GALNT18: variants seen among roughly 807,000 people sequenced by gnomAD.
GALNT18 encodes the protein polypeptide N-acetylgalactosaminyltransferase 18.
Under a neutral mutation model 69.5 loss-of-function variants are expected in GALNT18, and 44 were observed. The ratio of observed to expected loss-of-function variants is 0.63; its 90% CI spans 0.50 to 0.81. The LOEUF (loss-of-function observed/expected upper bound fraction) is 0.81. Ranked by LOEUF, GALNT18 falls within the 40% of genes least tolerant of loss-of-function variation. The pLI is 0.00. For synonymous variants in GALNT18, 364 were observed against 318.2 expected, an observed-to-expected ratio of 1.14 and a Z score of -1.53; for missense variants, 715 against 810.0, an observed-to-expected ratio of 0.88 and a Z score of 1.42.
intron 9 of GALNT18, among the ~76,000 whole-genome samples, chr11:11,319,415 G>T (rs1490196476): frequency 2.0e-5 from 3 of 152,138 alleles, no homozygotes; most frequent in Non-Finnish European, 4.4e-5. Flanking sequence ...TTTTTTTCTG[G>T]TTCATCCATT....
chr11:11,593,639 C>T (rs1370808410), intron 1 of GALNT18, among the ~76,000 whole-genome samples: 1 of 152,138 alleles, frequency 6.6e-6, no homozygotes, highest in African/African-American at 2.4e-5. Flanking sequence ...TAAAAATTTC[C>T]AGGCTTTAGT....
At chr11:11,558,556 A>G (rs1025083533) in intron 1 of GALNT18, among the ~76,000 whole-genome samples, 4 of 152,222 alleles carry the variant, frequency 2.6e-5, no homozygotes, top group African/African-American at 9.6e-5. Flanking sequence ...GCCCTGCTTC[A>G]TGCTTGGAGT....
intron 3 of GALNT18, among the ~76,000 whole-genome samples, chr11:11,385,440 C>T (rs555043717): frequency 7.4e-4 from 112 of 152,098 alleles, no homozygotes; most frequent in African/African-American, 2.3e-3. Flanking sequence ...GGACTACAGG[C>T]GCTCGCCACC....
At chr11:11,528,366 T>G (rs7951778) in intron 1 of GALNT18, among the ~76,000 whole-genome samples, 138,368 of 152,198 alleles carry the variant, frequency 0.91, 62,981 homozygotes, top group Non-Finnish European at 0.93. Context: ...TTGGGCCTCT[T>G]ACTTCAGAGA....
chr11:11,437,505 T>C lies in GALNT18; in HGVS notation c.429-4718A>G, dbSNP rs184356613. ...GATCCCCCAGGACTGTTTGGAGATA[T>C]GTATGAGGCAAATTTACAACAAGGG... On this transcript the variant is annotated intron_variant, in intron 2 of 10. Transcript: ENST00000227756. 6.3e-4 allele frequency among the ~76,000 whole-genome samples: 96 copies of C among 152,060 alleles called. 1 individual carries two copies. The highest frequency in any genetic ancestry group is 2.3e-3 in the African/African-American group (95 of 41,492).
chr11:11,277,759 C>T (rs1848981135), intron 10 of GALNT18, among the ~76,000 whole-genome samples: 1 of 152,156 alleles, frequency 6.6e-6, no homozygotes, highest in Non-Finnish European at 1.5e-5. Flanking sequence ...TTGTTATTTA[C>T]CCAGTAGTAA....
chr11:11,458,572 A>C (rs1320929936), intron 1 of GALNT18, among the ~76,000 whole-genome samples: 3 of 152,228 alleles, frequency 2.0e-5, no homozygotes. Context: ...TCCCATTAAA[A>C]AGCTTGATGC....
At chr11:11,462,490 A>T (rs1315828347) in intron 1 of GALNT18, among the ~76,000 whole-genome samples, 1 of 151,440 alleles carries the variant, frequency 6.6e-6, no homozygotes, top group Non-Finnish European at 1.5e-5. Flanking sequence ...GTGGGGTTTC[A>T]CCATGTTGGC....
At chr11:11,455,862 G>A (rs1422795607) in intron 1 of GALNT18, among the ~76,000 whole-genome samples, 1 of 152,184 alleles carries the variant, frequency 6.6e-6, no homozygotes, top group Non-Finnish European at 1.5e-5. Context: ...GCCAAGGTGG[G>A]CATATTGCTT....
intron 4 of GALNT18, 64 bp downstream of exon 4, chr11:11,379,017 C>T: frequency 1.4e-6 from 2 of 1,403,808 alleles, no homozygotes; most frequent in Admixed American, 2.4e-5. Flanking sequence ...GCATGCTTTG[C>T]ACTATTGGAG....
rs573769687 is a variant in GALNT18, at chr11:11,540,575, C to A, written c.235+80784G>T. 6.6e-6 allele frequency among the ~76,000 whole-genome samples: 1 copy of A among 152,034 alleles called. No individual in the cohort carries two copies. Among genetic ancestry groups the A allele is most frequent in the Admixed American group, 6.6e-5 (1 of 15,266 alleles). On this transcript the variant is annotated intron_variant, in intron 1 of 10. Transcript: ENST00000227756. This position sits in a 1 kb window ranked among gnomAD's most constrained non-coding sequence, Gnocchi z 4.6. ...TGAGGGGCTCCCAGAATTAGAGCAC[C>A]CTTTGACCCTGAAAACTGATCCCTG...
chr11:11,295,162 C>G (rs1024422380), intron 9 of GALNT18, among the ~76,000 whole-genome samples: 3 of 152,164 alleles, frequency 2.0e-5, no homozygotes, highest in Non-Finnish European at 4.4e-5. Flanking sequence ...ACGGCAGATT[C>G]TTCCTGAAGC....
intron 10 of GALNT18, among the ~76,000 whole-genome samples, chr11:11,274,934 A>C (rs921020113): frequency 1.3e-5 from 2 of 152,204 alleles, no homozygotes; most frequent in Non-Finnish European, 1.5e-5. Flanking sequence ...CATTTTGTTT[A>C]TCCAGTCTAG....
intron 6 of GALNT18, among the ~76,000 whole-genome samples, chr11:11,362,375 C>T (rs1850662430): frequency 6.6e-6 from 1 of 151,898 alleles, no homozygotes; most frequent in South Asian, 2.1e-4. Flanking sequence ...AACAAACAAA[C>T]AAACAAACAC....
At chr11:11,399,443 A>G (rs1589970094) in intron 3 of GALNT18, among the ~76,000 whole-genome samples, 1 of 151,718 alleles carries the variant, frequency 6.6e-6, no homozygotes, top group Admixed American at 6.6e-5. Context: ...GTGTCAAAAA[A>G]TGGCGATTCT....
Position 11,497,748 on chromosome 11 carries a change from T to TTC in GALNT18, c.236-48814_236-48813dup, listed in dbSNP as rs920546922. Among the ~76,000 whole-genome samples, 4 of 46,902 alleles carry TTC rather than the reference T, an allele frequency of 8.5e-5. No homozygotes were observed. Among genetic ancestry groups the TTC allele is most frequent in the Non-Finnish European group, 1.8e-4 (4 of 22,606 alleles). 30.8% of individuals were successfully genotyped at this position (46,902 alleles called of 152,430 possible). On this transcript the variant is annotated intron_variant, in intron 1 of 10. Coordinates refer to ENST00000227756, the MANE Select transcript of GALNT18 (RefSeq NM_198516.3). The surrounding 1 kb of genome is among the most constrained non-coding windows in gnomAD (Gnocchi z 4.2). ...AAATGTGTATGTGCATATACATATT[T>TTC]TCTATATATATATATATATACACAC...
At position 11,584,420 on chromosome 11, in the gene GALNT18, G is replaced by A. The variant is rs982810247; in HGVS notation, c.235+36939C>T. ...TCAGGTTACTGTTGGAAAGCTGATG[G>A]GAGATGCCGTAAGAGAAATGGGTTC... On this transcript the variant is annotated intron_variant, in intron 1 of 10. Coordinates refer to ENST00000227756, the MANE Select transcript of GALNT18 (RefSeq NM_198516.3). This position sits in a 1 kb window ranked among gnomAD's most constrained non-coding sequence, Gnocchi z 4.1. Among the ~76,000 whole-genome samples the A allele has an allele frequency of 6.6e-6, 1 of 152,192 alleles. No individual in the cohort carries two copies. The highest frequency in any genetic ancestry group is 1.5e-5 in the Non-Finnish European group (1 of 68,044).
intron 9 of GALNT18, among the ~76,000 whole-genome samples, chr11:11,294,081 C>A (rs952947913): frequency 6.6e-6 from 1 of 152,166 alleles, no homozygotes; most frequent in African/African-American, 2.4e-5. Context: ...TAGGACTCAG[C>A]ACATAGCTGT....
chr11:11,468,165 A>C (rs12420629), intron 1 of GALNT18, among the ~76,000 whole-genome samples: 1 of 152,220 alleles, frequency 6.6e-6, no homozygotes, highest in African/African-American at 2.4e-5. Context: ...TTTCAGATGT[A>C]GTAATATGTT....
Sources: allele counts gnomAD v4.1 joint callset (sites outside exome capture counted in the v4.1 genomes callset), GRCh38; gene constraint gnomAD v4.1.1; non-coding constraint Gnocchi (gnomAD v3.1); transcripts MANE v1.5; gene names NCBI Gene and HGNC (gene_info 2026-07-23, HGNC 2026-07-21).